The following ACO2 variants were observed in gnomAD, a reference collection of about 807,000 sequenced individuals.
The protein encoded by ACO2 is aconitate hydratase, mitochondrial.
Under a neutral mutation model 84.5 loss-of-function variants are expected in ACO2, and 31 were observed. That is an observed-to-expected ratio of 0.37 (90% CI 0.28 to 0.50). The LOEUF is 0.50. Among genes scored for constraint, ACO2 ranks in the 20% least tolerant of loss-of-function variants. The probability of loss-of-function intolerance (pLI) is 0.97; values close to 1 mark genes in which losing one functional copy is unlikely to be tolerated. For synonymous variants in ACO2, 414 were observed against 412.7 expected (o/e 1.00, Z -0.04); for missense variants, 685 against 1,029.3 (o/e 0.67, Z 4.58).
intron 1 of ACO2, among the ~76,000 whole-genome samples, chr22:41,475,346 A>AT (rs2038000532): frequency 6.6e-6 from 1 of 151,020 alleles, no homozygotes; most frequent in South Asian, 2.1e-4. Flanking sequence ...CTAATTTTTT[A>AT]TTTTTTGTGG....
chr22:41,485,655 G>T (rs1244941355), intron 1 of ACO2, among the ~76,000 whole-genome samples: 1 of 151,770 alleles, frequency 6.6e-6, no homozygotes, highest in East Asian at 1.9e-4. Context: ...GTGTTAGCCA[G>T]GATGGTCTCG....
rs2066403449 is a variant in ACO2 at position 41,507,662 on chromosome 22, G to A, written c.174-129G>A. 6 of 1,309,052 alleles carry A rather than the reference G, an allele frequency of 4.6e-6. No individual in the cohort carries two copies. In the South Asian group the frequency reaches 8.9e-5, roughly 19 times the overall value. The allele number at this position is 1,309,052 out of a possible 1,614,324, so 81.1% of individuals were successfully genotyped here. On this transcript the variant is annotated intron_variant, in intron 2 of 17. Coordinates refer to ENST00000216254, the MANE Select transcript of ACO2 (RefSeq NM_001098.3). ...GCAGTCCCCACCCAAGTGGAACGTT[G>A]AGGTCCTGAGTTCAGACTCCCTGTC...
intron 1 of ACO2, among the ~76,000 whole-genome samples, chr22:41,498,787 G>A (rs551848574): frequency 1.3e-5 from 2 of 152,190 alleles, no homozygotes; most frequent in South Asian, 2.1e-4. Flanking sequence ...AAGTAAGTCC[G>A]CCACACATTC....
Position 41,528,738 on chromosome 22 carries a change from C to G in ACO2, c.*125C>G. ...GTGTGACCAGACATGCTTCCTGCTCCCCGCTTAGCCCACGGAGTGACTGTG... is the reference window on the plus strand; with the variant it reads ...GTGTGACCAGACATGCTTCCTGCTCGCCGCTTAGCCCACGGAGTGACTGTG... On this transcript the variant is annotated 3_prime_UTR_variant, in exon 18 of 18. Transcript: ENST00000216254. 2 of 1,349,304 alleles carry G rather than the reference C, an allele frequency of 1.5e-6. No individual in the cohort carries two copies. The highest frequency in any genetic ancestry group is 2.0e-6 in the Non-Finnish European group (2 of 1,008,648). 83.6% of individuals were successfully genotyped at this position (1,349,304 alleles called of 1,614,324 possible).
intron 1 of ACO2, among the ~76,000 whole-genome samples, chr22:41,491,635 C>T (rs1156970074): frequency 1.3e-5 from 2 of 152,138 alleles, no homozygotes; most frequent in African/African-American, 4.8e-5. Flanking sequence ...ATCCAGAGAA[C>T]GAACACAATG....
chr22:41,477,277 C>T (rs1032531604), intron 1 of ACO2, among the ~76,000 whole-genome samples: 5 of 151,684 alleles, frequency 3.3e-5, no homozygotes, highest in Admixed American at 1.3e-4. Flanking sequence ...CCTCAGCCTC[C>T]TGCGTAGCTG....
intron 1 of ACO2, among the ~76,000 whole-genome samples, chr22:41,499,374 C>T (rs2066337682): frequency 1.3e-5 from 2 of 152,128 alleles, no homozygotes; most frequent in South Asian, 2.1e-4. Flanking sequence ...CTTATTTAAC[C>T]TTCCCAGTAC....
chr22:41,525,441 G>A (rs1444618541), intron 14 of ACO2, 93 bp downstream of exon 14: 5 of 1,499,540 alleles, frequency 3.3e-6, no homozygotes, highest in Non-Finnish European at 3.6e-6. Flanking sequence ...GAGGAAGTGA[G>A]CACAGTCAAG....
chr22:41,526,191 CTCT>C, intron 14 of ACO2, 68 bp from the exon 15 acceptor site: 1 of 1,436,634 alleles, frequency 7.0e-7, no homozygotes, highest in Middle Eastern at 2.5e-4. Context: ...TGCTGCCTGC[CTCT>C]GGAGGGCTTG....
At chr22:41,504,711 CTTT>C (rs926246283) in intron 2 of ACO2, among the ~76,000 whole-genome samples, 60 of 48,590 alleles carry the variant, frequency 1.2e-3, no homozygotes, top group Non-Finnish European at 2.0e-3. Context: ...ACCTTAGGGA[CTTT>C]TTTTTTTTTT....
At chr22:41,527,739 A>AC in intron 16 of ACO2, 162 bp from the exon 17 acceptor site, 1 of 1,170,734 alleles carries the variant, frequency 8.5e-7, no homozygotes, top group Non-Finnish European at 1.2e-6. Flanking sequence ...TGCTAGGGGC[A>AC]CCCCTAGTGA....
At chr22:41,480,737 A>G (rs1057000547) in intron 1 of ACO2, among the ~76,000 whole-genome samples, 4 of 152,166 alleles carry the variant, frequency 2.6e-5, no homozygotes, top group African/African-American at 9.7e-5. Flanking sequence ...CCCCAGGGCA[A>G]TTTTGTGTTT....
chr22:41,524,010 G>A, intron 12 of ACO2, 69 bp downstream of exon 12: 1 of 1,397,878 alleles, frequency 7.2e-7, no homozygotes, highest in Non-Finnish European at 1.0e-6. Context: ...AGAGGAGGAG[G>A]CAGAAGGAGA....
At position 41,512,908 on chromosome 22, in the gene ACO2, AGGTGGC is replaced by A. The variant is rs2066445154; in HGVS notation, c.525+941_525+946del. ...AAACCTGCCTCTTCGCACCTTTGCA[AGGTGGC>A]CCTTCCCCCCACCTCCATCCCAGAC... On this transcript the variant is annotated intron_variant, in intron 4 of 17. Coordinates refer to ENST00000216254, the MANE Select transcript of ACO2 (RefSeq NM_001098.3). 2.6e-5 allele frequency among the ~76,000 whole-genome samples: 4 copies of A among 152,142 alleles called. No individual in the cohort carries two copies. The South Asian group carries it at 8.3e-4, about 32-fold the overall frequency.
chr22:41,473,711 G>A (rs924693038), intron 1 of ACO2, among the ~76,000 whole-genome samples: 7 of 152,270 alleles, frequency 4.6e-5, no homozygotes, highest in Middle Eastern at 3.4e-3. Flanking sequence ...TAACTGGGGT[G>A]TTTGGGGAAG....
intron 1 of ACO2, among the ~76,000 whole-genome samples, chr22:41,493,480 C>T (rs925209627): frequency 1.3e-5 from 2 of 152,180 alleles, no homozygotes; most frequent in Non-Finnish European, 2.9e-5. Flanking sequence ...TGAGATTTCC[C>T]CTGAGGACTG....
rs758322583 is a variant in ACO2, at chr22:41,528,865, G to A, written c.*252G>A. On this transcript the variant is annotated 3_prime_UTR_variant, in exon 18 of 18. Transcript: ENST00000216254. ...GCTCCATGCAACTGTATTTATTTTT[G>A]ATGACAAGACTCCCATCTAAAGTTT... The A allele has an allele frequency of 1.9e-6, 1 of 536,252 alleles. No individual in the cohort carries two copies. Among genetic ancestry groups the A allele is most frequent in the Non-Finnish European group, 3.3e-6 (1 of 307,118 alleles). 33.2% of individuals were successfully genotyped at this position (536,252 alleles called of 1,614,324 possible). A position where few individuals can be genotyped will look rare whatever the true frequency, so the allele number is the denominator to read the frequency against.
chr22:41,513,090 G>A (rs1281264117), intron 4 of ACO2, among the ~76,000 whole-genome samples: 5 of 152,326 alleles, frequency 3.3e-5, no homozygotes, highest in East Asian at 3.9e-4. Flanking sequence ...AAGGGGCTGC[G>A]TGGAATGGCC....
chr22:41,511,793 C>A, intron 3 of ACO2, 83 bp from the exon 4 acceptor site: 2 of 939,680 alleles, frequency 2.1e-6, no homozygotes, highest in Non-Finnish European at 3.2e-6. Flanking sequence ...AGAAGGGAGG[C>A]TGATGGGGTG....
Sources: gnomAD v4.1 joint callset for allele counts (sites outside exome capture counted in the v4.1 genomes callset) on GRCh38, gnomAD v4.1.1 for gene constraint, MANE v1.5 for transcripts, NCBI Gene and HGNC (gene_info 2026-07-23, HGNC 2026-07-21) for gene names.